The following UBTD2 variants were observed in gnomAD, a reference collection of about 807,000 sequenced individuals.
UBTD2 encodes ubiquitin domain-containing protein 2.
A neutral mutation model predicts 19.8 loss-of-function variants in UBTD2; 9 were observed. The ratio of observed to expected loss-of-function variants is 0.46; its 90% confidence interval spans 0.27 to 0.79. UBTD2 has a LOEUF of 0.79. Among genes scored for constraint, UBTD2 ranks in the 30% least tolerant of loss-of-function variants. UBTD2 has a pLI of 0.14. For synonymous variants in UBTD2, 98 were observed against 103.9 expected, an observed-to-expected ratio of 0.94 and a Z score of 0.35; for missense variants, 250 against 300.4, an observed-to-expected ratio of 0.83 and a Z score of 1.24.
At chr5:172,266,546 C>T (rs190138550) in intron 1 of UBTD2, among the ~76,000 whole-genome samples, 15 of 152,192 alleles carry the variant, frequency 9.9e-5, no homozygotes, top group Middle Eastern at 3.4e-3. Context: ...GAATTTCCTA[C>T]GGTTAAACAT....
intron 1 of UBTD2, chr5:172,255,406 C>A: frequency 2.0e-6 from 1 of 494,272 alleles, no homozygotes. Flanking sequence ...GGGCCTCTTG[C>A]TTAACAGGAA....
chr5:172,219,740 A>G (rs1771615123), intron 2 of UBTD2, among the ~76,000 whole-genome samples: 1 of 152,208 alleles, frequency 6.6e-6, no homozygotes, highest in Non-Finnish European at 1.5e-5. Flanking sequence ...AGAAGGAAAA[A>G]AAACTCATGC....
chr5:172,283,162 G>T lies in UBTD2; in HGVS notation c.70+434C>A, dbSNP rs1755753264. The stretch of plus-strand genomic sequence containing the variant: ...AAAGCTGAGACCAGCCAACTCCACA[G>T]AACAAGGAAGGGTGCGGAAAGATGT... On this transcript the variant is annotated intron_variant, in intron 1 of 2. Transcript: ENST00000393792. This position sits in a 1 kb window ranked among gnomAD's most constrained non-coding sequence, Gnocchi z 4.3. 6.6e-6 allele frequency among the ~76,000 whole-genome samples: 1 copy of T among 152,184 alleles called. No individual in the cohort carries two copies. The highest frequency in any genetic ancestry group is 1.5e-5 in the Non-Finnish European group (1 of 68,040).
At chr5:172,249,901 TAATA>T (rs1214719055) in intron 1 of UBTD2, among the ~76,000 whole-genome samples, 2 of 152,200 alleles carry the variant, frequency 1.3e-5, no homozygotes, top group East Asian at 1.9e-4. Context: ...TTCCTCAACA[TAATA>T]AATAGTCTTT....
intron 1 of UBTD2, among the ~76,000 whole-genome samples, chr5:172,277,723 A>G (rs1396084791): frequency 6.6e-6 from 1 of 152,006 alleles, no homozygotes; most frequent in Non-Finnish European, 1.5e-5. Flanking sequence ...CAACAACAAC[A>G]ACAACTTTGT....
At chr5:172,232,885 A>G (rs1771931420) in intron 2 of UBTD2, among the ~76,000 whole-genome samples, 1 of 151,912 alleles carries the variant, frequency 6.6e-6, no homozygotes, top group Non-Finnish European at 1.5e-5. Flanking sequence ...CCTGTCTCTT[A>G]AAAAAAGGGA....
Position 172,283,752 on chromosome 5 carries a change from C to CTGCAGCCTCCTCCGG in UBTD2, c.-88_-87insCCGGAGGAGGCTGCA. On this transcript the variant is annotated 5_prime_UTR_variant, in exon 1 of 3. Coordinates refer to ENST00000393792, the MANE Select transcript of UBTD2 (RefSeq NM_152277.3). This position sits in a 1 kb window ranked among gnomAD's most constrained non-coding sequence, Gnocchi z 4.3. ...GCTGCAGCCTCCTCCGGCGCCACCGCCGAGCTCCGGACAGGCGCGCCGCTC... is the reference window on the plus strand; with the variant it reads ...GCTGCAGCCTCCTCCGGCGCCACCGCTGCAGCCTCCTCCGGCGAGCTCCGGACAGGCGCGCCGCTC... The CTGCAGCCTCCTCCGG allele has an allele frequency of 1.0e-6, 1 of 996,858 alleles. No individual in the cohort carries two copies. The highest frequency in any genetic ancestry group is 1.2e-6 in the Non-Finnish European group (1 of 800,988). The allele number at this position is 996,858 out of a possible 1,614,324, so 61.8% of individuals were successfully genotyped here.
At chr5:172,267,834 C>T (rs1581232557) in intron 1 of UBTD2, among the ~76,000 whole-genome samples, 1 of 152,142 alleles carries the variant, frequency 6.6e-6, no homozygotes, top group South Asian at 2.1e-4. Context: ...CTGATTTCAT[C>T]TAACATACTT....
intron 1 of UBTD2, among the ~76,000 whole-genome samples, chr5:172,259,327 G>T (rs912804762): frequency 2.0e-5 from 3 of 152,010 alleles, no homozygotes; most frequent in Non-Finnish European, 4.4e-5. Flanking sequence ...ATTTTTGGTA[G>T]AGACAGGGTT....
chr5:172,264,466 A>G (rs538270725), intron 1 of UBTD2, among the ~76,000 whole-genome samples: 2 of 151,866 alleles, frequency 1.3e-5, no homozygotes, highest in East Asian at 1.9e-4. Flanking sequence ...ACTTGAACCC[A>G]GGAAGCAGAG....
chr5:172,254,438 G>A (rs1337006625), intron 1 of UBTD2: 2 of 427,670 alleles, frequency 4.7e-6, no homozygotes, highest in Admixed American at 3.7e-5. Flanking sequence ...AAAAGCTACG[G>A]TTACAGTCCG....
rs191426384 is a variant in UBTD2, at chr5:172,211,529, C to T, written c.*301G>A. The stretch of plus-strand genomic sequence containing the variant: ...GCAATGTTTCATTTACAGTCCAAGT[C>T]ACTGAAATATAGCCATTACATAGTT... On this transcript the variant is annotated 3_prime_UTR_variant, in exon 3 of 3. Coordinates refer to ENST00000393792, the MANE Select transcript of UBTD2 (RefSeq NM_152277.3). 335 of 248,988 alleles carry T rather than the reference C, an allele frequency of 1.3e-3. 2 individuals carry two copies. Among genetic ancestry groups the T allele is most frequent in the Non-Finnish European group, 2.0e-3 (256 of 131,072 alleles). The allele number at this position is 248,988 out of a possible 1,614,324, so 15.4% of individuals were successfully genotyped here. A position where few individuals can be genotyped will look rare whatever the true frequency, so the allele number is the denominator to read the frequency against.
intron 1 of UBTD2, among the ~76,000 whole-genome samples, chr5:172,259,367 T>C (rs1755221605): frequency 6.6e-6 from 1 of 151,990 alleles, no homozygotes; most frequent in Non-Finnish European, 1.5e-5. Context: ...GGTCTTGAAC[T>C]CCTGACCTCA....
At chr5:172,258,820 G>A (rs1257009235) in intron 1 of UBTD2, among the ~76,000 whole-genome samples, 2 of 152,190 alleles carry the variant, frequency 1.3e-5, no homozygotes, top group Non-Finnish European at 2.9e-5. Context: ...CAGAAACTTT[G>A]CTAAAGTTTC....
intron 1 of UBTD2, chr5:172,255,472 T>A: frequency 2.4e-6 from 1 of 413,950 alleles, no homozygotes; most frequent in South Asian, 2.1e-5. Flanking sequence ...GTGTTTGGCT[T>A]TGAGAGGTGT....
intron 2 of UBTD2, among the ~76,000 whole-genome samples, chr5:172,227,234 C>G (rs1771787162): frequency 6.6e-6 from 1 of 152,202 alleles, no homozygotes; most frequent in Admixed American, 6.5e-5. Flanking sequence ...AACCTCTCAC[C>G]TCAGCTGTTT....
chr5:172,231,733 T>A (rs1395922942), intron 2 of UBTD2, among the ~76,000 whole-genome samples: 2 of 152,162 alleles, frequency 1.3e-5, no homozygotes, highest in African/African-American at 2.4e-5. Flanking sequence ...TCCACCCACA[T>A]ACAGGTCTAT....
At chr5:172,277,925 A>T (rs1233336879) in intron 1 of UBTD2, among the ~76,000 whole-genome samples, 1 of 152,144 alleles carries the variant, frequency 6.6e-6, no homozygotes, top group Non-Finnish European at 1.5e-5. Flanking sequence ...AAGATATATA[A>T]ATGGACATGA....
chr5:172,271,093 A>G (rs1755480301), intron 1 of UBTD2, among the ~76,000 whole-genome samples: 1 of 152,124 alleles, frequency 6.6e-6, no homozygotes, highest in Non-Finnish European at 1.5e-5. Context: ...TACATACAGA[A>G]TGATGCCCTT....
Sources: allele counts gnomAD v4.1 joint callset (sites outside exome capture counted in the v4.1 genomes callset), GRCh38; gene constraint gnomAD v4.1.1; non-coding constraint Gnocchi (gnomAD v3.1); transcripts MANE v1.5; gene names NCBI Gene and HGNC (gene_info 2026-07-23, HGNC 2026-07-21).